The following ELF4 variants were observed in gnomAD, a reference collection of about 807,000 sequenced individuals.
The protein encoded by ELF4 is ETS-related transcription factor Elf-4.
ELF4 carries 10 observed loss-of-function variants against 31.7 expected under a neutral mutation model. The observed-to-expected ratio is 0.32, with a 90% CI of 0.19 to 0.54. ELF4 has a LOEUF of 0.54. Among genes scored for constraint, ELF4 ranks in the 20% least tolerant of loss-of-function variants. The probability of loss-of-function intolerance (pLI) is 0.95; values close to 1 mark genes in which losing one functional copy is unlikely to be tolerated. For synonymous variants in ELF4, 208 were observed against 226.7 expected, an observed-to-expected ratio of 0.92 and a Z score of 0.74; for missense variants, 418 against 522.0, an observed-to-expected ratio of 0.80 and a Z score of 1.94.
At chrX:130,107,667 G>A (rs1207771800) in intron 1 of ELF4, among the ~76,000 whole-genome samples, 1 of 112,432 alleles carries the variant, frequency 8.9e-6, no homozygotes, top group African/African-American at 3.2e-5. Flanking sequence ...CTGAGCAAGT[G>A]TTTGCTGAAT....
chrX:130,110,874 G>A (rs1487129057), upstream of ELF4, among the ~76,000 whole-genome samples: 1 of 5,088 alleles, frequency 2.0e-4, no homozygotes, highest in Non-Finnish European at 4.9e-4. Flanking sequence ...CGAAACGAGC[G>A]AGCGAAAGGG....
At chrX:130,067,970 A>G (rs1395845267) in intron 8 of ELF4, among the ~76,000 whole-genome samples, 5 of 110,946 alleles carry the variant, frequency 4.5e-5, no homozygotes, top group African/African-American at 9.9e-5. Flanking sequence ...GCACCACTAC[A>G]CCCGGCTAAT....
In ELF4 at chrX:130,071,273, G is replaced by A. The variant is rs113645162; in HGVS notation, c.617-41C>T. On this transcript the variant is annotated intron_variant, in intron 6 of 8. Transcript: ENST00000308167. ...CCGTGAGGGGCAGCCTGGGCAGCTG[G>A]GGCACCCTGGCAGCAGGGAAGGGGC... 5.8e-5 allele frequency: 70 copies of A among 1,208,962 alleles called. No individual in the cohort carries two copies. The African/African-American group carries it at 6.3e-4, about 11-fold the overall frequency.
intron 1 of ELF4, among the ~76,000 whole-genome samples, chrX:130,095,183 G>A (rs1306496970): frequency 4.5e-5 from 5 of 112,327 alleles, no homozygotes; most frequent in Non-Finnish European, 7.5e-5. Flanking sequence ...GCAGGGATGT[G>A]TAGTTCTGGG....
intron 1 of ELF4, among the ~76,000 whole-genome samples, chrX:130,097,218 A>T (rs1367736462): frequency 2.8e-5 from 3 of 107,982 alleles, no homozygotes; most frequent in Admixed American, 2.0e-4. Context: ...CAGGCAGATC[A>T]CCTGAGGTCA....
chrX:130,083,836 A>C (rs5975169), intron 1 of ELF4, among the ~76,000 whole-genome samples: 25 of 89,340 alleles, frequency 2.8e-4, no homozygotes, highest in South Asian at 1.3e-3. Flanking sequence ...GGATGGCTGG[A>C]TGGATGGATG....
intron 1 of ELF4, among the ~76,000 whole-genome samples, chrX:130,090,356 G>C (rs1452285177): frequency 1.8e-5 from 2 of 108,155 alleles, no homozygotes; most frequent in Non-Finnish European, 3.8e-5. Flanking sequence ...CTGGGCGACA[G>C]AGCAAGACTC....
At chrX:130,092,367 A>G (rs58784119) in intron 1 of ELF4, among the ~76,000 whole-genome samples, 17,856 of 112,039 alleles carry the variant, frequency 0.16, 1,238 homozygotes, top group African/African-American at 0.26. Flanking sequence ...GCAGAGAGGG[A>G]AGGGCCCTGC....
chrX:130,074,003 G>T (rs1165639782), intron 4 of ELF4, 46 bp downstream of exon 4: 25 of 1,162,900 alleles, frequency 2.1e-5, no homozygotes, highest in Non-Finnish European at 2.7e-5. Context: ...TTTTTAAATG[G>T]AATTATTTTG....
chrX:130,072,480 G>A (rs1932797418), intron 4 of ELF4, 63 bp from the exon 5 acceptor site: 4 of 1,126,944 alleles, frequency 3.5e-6, no homozygotes, highest in Admixed American at 4.4e-5. Flanking sequence ...GTCTCCCAGC[G>A]CTGGAGAGAC....
At chrX:130,069,717 G>A (rs770669662) in intron 7 of ELF4, 40 bp from the exon 8 acceptor site, 4 of 1,205,443 alleles carry the variant, frequency 3.3e-6, no homozygotes, top group African/African-American at 1.7e-5. Context: ...TTAGCCGGGA[G>A]CTGGGTGGGA....
chrX:130,064,736 G>T lies in ELF4; in HGVS notation c.*1985C>A, dbSNP rs1932623446. On this transcript the variant is annotated 3_prime_UTR_variant, in exon 9 of 9. Transcript: ENST00000308167. ...CTCACGGGGGCCCGAGAACTGTGAA[G>T]AAGACATTTGATTTCACCATGAGGT... 8.1e-6 allele frequency: 1 copy of T among 124,123 alleles called. No homozygotes were observed. Among genetic ancestry groups the T allele is most frequent in the African/African-American group, 3.3e-5 (1 of 30,669 alleles). 10.2% of individuals were successfully genotyped at this position (124,123 alleles called of 1,213,427 possible). A position where few individuals can be genotyped will look rare whatever the true frequency, so the allele number is the denominator to read the frequency against.
chrX:130,093,329 T>A (rs1262915634), intron 1 of ELF4, among the ~76,000 whole-genome samples: 3 of 109,297 alleles, frequency 2.7e-5, no homozygotes, highest in Non-Finnish European at 5.7e-5. Flanking sequence ...AAAATCCACA[T>A]ATAAAGTGGA....
chrX:130,067,433 A>T lies in ELF4; in HGVS notation c.1280T>A (p.Val427Glu). Reference sequence around the variant, plus strand: ...ACTGGCAGGAGGCCCATTGGTCAGCACCGTGGTCAGTGGGATCGTCTGCAG... The same window carrying T: ...ACTGGCAGGAGGCCCATTGGTCAGCTCCGTGGTCAGTGGGATCGTCTGCAG... ...LTLQTIPLTT[V>E]LTNGPPASTT... Residue 427 changes from valine to glutamate, a missense_variant, in exon 9 of 9, where the codon GTG becomes GAG. Physicochemically the swap from Val to Glu is moderately radical, Grantham distance 121 (BLOSUM62 -2). This residue lies in a region of ELF4 where 260 missense variants were observed against 269.2 expected (regional missense o/e 0.97). Transcript: ENST00000308167. The T allele has an allele frequency of 1.7e-6, 2 of 1,211,843 alleles. No homozygotes were observed. The highest frequency in any genetic ancestry group is 2.2e-6 in the Non-Finnish European group (2 of 895,493).
chrX:130,089,816 C>A lies in ELF4; in HGVS notation c.-209-8277G>T, dbSNP rs773891892. On this transcript the variant is annotated intron_variant, in intron 1 of 8. Transcript: ENST00000308167. ...GGGCTGGCCAATAACAATGAAGCCACGGCTGGGCGTGGTGGCTCATGCTTG... is the reference window on the plus strand; with the variant it reads ...GGGCTGGCCAATAACAATGAAGCCAAGGCTGGGCGTGGTGGCTCATGCTTG... 1.3e-4 allele frequency among the ~76,000 whole-genome samples: 15 copies of A among 112,664 alleles called. No homozygotes were observed. In the Admixed American group the frequency reaches 1.4e-3, roughly 11 times the overall value.
chrX:130,075,520 C>A (rs1439745342), intron 2 of ELF4, among the ~76,000 whole-genome samples: 1 of 111,504 alleles, frequency 9.0e-6, no homozygotes, highest in African/African-American at 3.3e-5. Context: ...TCGTGATCCA[C>A]CCACCTCGGC....
In ELF4 at chrX:130,087,898, G is replaced by A. The variant is rs182702706; in HGVS notation, c.-209-6359C>T. Among the ~76,000 whole-genome samples the A allele has an allele frequency of 4.5e-5, 5 of 112,286 alleles. No individual in the cohort carries two copies. In the East Asian group the frequency reaches 1.4e-3, roughly 31 times the overall value. On this transcript the variant is annotated intron_variant, in intron 1 of 8. Coordinates refer to ENST00000308167, the MANE Select transcript of ELF4 (RefSeq NM_001421.4). ...GAGGTGGCGGGATGAAATGAAGGCT[G>A]AGGGGACAAAAGCAACAAATATAAA...
intron 1 of ELF4, among the ~76,000 whole-genome samples, chrX:130,083,606 G>A (rs1932918145): frequency 9.0e-6 from 1 of 111,578 alleles, no homozygotes; most frequent in Non-Finnish European, 1.9e-5. Flanking sequence ...TCATGTTTGC[G>A]AGTTCACTGC....
intron 1 of ELF4, among the ~76,000 whole-genome samples, chrX:130,093,909 C>T (rs1281307675): frequency 8.9e-6 from 1 of 112,152 alleles, no homozygotes; most frequent in African/African-American, 3.2e-5. Flanking sequence ...TATCTTTGGC[C>T]AAGAACCCTG....
Sources: allele counts gnomAD v4.1 joint callset (sites outside exome capture counted in the v4.1 genomes callset), GRCh38; gene constraint gnomAD v4.1.1; regional missense constraint gnomAD v4.1.1; transcripts MANE v1.5; gene names NCBI Gene and HGNC (gene_info 2026-07-23, HGNC 2026-07-21).